The following ALS2 variants were observed in gnomAD, a reference collection of about 807,000 sequenced individuals.
The protein encoded by ALS2 is alsin.
ALS2 carries 117 observed loss-of-function variants against 203.4 expected under a neutral mutation model. The observed-to-expected ratio is 0.58, with a 90% confidence interval of 0.50 to 0.67. The LOEUF is 0.67. Ranked by LOEUF, ALS2 falls within the 30% of genes least tolerant of loss-of-function variation. The pLI, the probability that ALS2 is intolerant of heterozygous loss-of-function variation, is 0.00. For synonymous variants in ALS2, 718 were observed against 725.9 expected (o/e 0.99, Z 0.17); for missense variants, 1,715 against 1,989.4 (o/e 0.86, Z 2.62).
At chr2:201,715,875 C>CT in intron 24 of ALS2, 36 bp from the exon 25 acceptor site, 2 of 1,613,100 alleles carry the variant, frequency 1.2e-6, no homozygotes, top group Non-Finnish European at 1.7e-6. Context: ...TTAATCATTT[C>CT]TTTTGTGCAA....
chr2:201,745,931 A>G (rs1163771170), intron 9 of ALS2, among the ~76,000 whole-genome samples: 1 of 152,196 alleles, frequency 6.6e-6, no homozygotes, highest in African/African-American at 2.4e-5. Flanking sequence ...CCTGGGCAAC[A>G]GAGCAAGACT....
At chr2:201,774,351 G>C (rs1218001711) in intron 1 of ALS2, among the ~76,000 whole-genome samples, 1 of 152,170 alleles carries the variant, frequency 6.6e-6, no homozygotes, top group Non-Finnish European at 1.5e-5. Flanking sequence ...GAGATCACAG[G>C]TACAGATATA....
In ALS2 at chr2:201,728,554, C is replaced by A. The variant is rs1691342399; in HGVS notation, c.2799G>T (p.Val933=). Residue 933 remains valine (V), a synonymous_variant, in exon 15 of 34, where the codon GTG becomes GTT. Coordinates refer to ENST00000264276, the MANE Select transcript of ALS2 (RefSeq NM_020919.4). ...LSLQHAGRFS[V]NWFILFNDAL... ...CATCATTAAAGAGAATGAACCAATT[C>A]ACGGAAAACCTCCCAGCATGCTGCA... The A allele has an allele frequency of 6.2e-7, 1 of 1,614,148 alleles. No individual in the cohort carries two copies. The highest frequency in any genetic ancestry group is 8.5e-7 in the Non-Finnish European group (1 of 1,180,038).
chr2:201,776,944 A>G (rs1694686441), intron 1 of ALS2, among the ~76,000 whole-genome samples: 1 of 152,210 alleles, frequency 6.6e-6, no homozygotes, highest in Admixed American at 6.5e-5. Flanking sequence ...CATTTAACAC[A>G]TTGTCATCAG....
At chr2:201,755,929 C>T (rs1420478935) in intron 5 of ALS2, among the ~76,000 whole-genome samples, 1 of 152,186 alleles carries the variant, frequency 6.6e-6, no homozygotes, top group East Asian at 1.9e-4. Flanking sequence ...AGAAAGTGAT[C>T]ATCACTGCCT....
At position 201,768,853 on chromosome 2, in the gene ALS2, G is replaced by C; in HGVS notation, c.20+13C>G. 1 of 1,612,518 alleles carries C rather than the reference G, an allele frequency of 6.2e-7. No individual in the cohort carries two copies. The highest frequency in any genetic ancestry group is 8.5e-7 in the Non-Finnish European group (1 of 1,178,752). On this transcript the variant is annotated intron_variant, in intron 2 of 33. Transcript: ENST00000264276. ...TCCTAGGAGGATAAGAGAAAAGGAA[G>C]AAATGATTTTACCTTCTCTTCTTTG...
Position 201,718,806 on chromosome 2 carries a change from A to G in ALS2, c.3703-596T>C, listed in dbSNP as rs533950860. 6.1e-4 allele frequency among the ~76,000 whole-genome samples: 93 copies of G among 152,304 alleles called. 3 individuals carry two copies. Among genetic ancestry groups the G allele is most frequent in the South Asian group, 3.7e-3 (18 of 4,826 alleles). On this transcript the variant is annotated intron_variant, in intron 23 of 33. Transcript: ENST00000264276. ...AAATTTAGGGGATGATGTAAATTAC[A>G]AGCAGTGCTTAGAGGGAAACTTTTA...
At chr2:201,710,752 A>T (rs1014705438) in intron 26 of ALS2, among the ~76,000 whole-genome samples, 1 of 152,188 alleles carries the variant, frequency 6.6e-6, no homozygotes, top group Non-Finnish European at 1.5e-5. Flanking sequence ...TTAAAACTCT[A>T]ATCTTATTTC....
intron 3 of ALS2, chr2:201,765,915 G>A (rs72926808): frequency 0.12 from 20,115 of 166,548 alleles, 1,495 homozygotes; most frequent in African/African-American, 0.21. Flanking sequence ...TCCTGACTCT[G>A]ACACTTCAAT....
intron 1 of ALS2, among the ~76,000 whole-genome samples, chr2:201,775,265 G>C (rs1268807474): frequency 2.0e-5 from 3 of 152,148 alleles, no homozygotes; most frequent in East Asian, 1.9e-4. Context: ...TAAAGTCTGA[G>C]TTGGTTACAT....
chr2:201,772,639 C>G (rs959246417), intron 1 of ALS2, among the ~76,000 whole-genome samples: 3 of 152,126 alleles, frequency 2.0e-5, no homozygotes, highest in Non-Finnish European at 2.9e-5. Flanking sequence ...AATCTGAATT[C>G]CAAAATGCAC....
intron 12 of ALS2, 163 bp from the exon 13 acceptor site, chr2:201,733,601 T>C (rs567461464): frequency 1.8e-5 from 12 of 676,502 alleles, no homozygotes; most frequent in African/African-American, 1.1e-4. Flanking sequence ...TTAAAAGAAT[T>C]TCCCTATCTA....
chr2:201,722,877 A>G (rs1690897187), intron 23 of ALS2, 166 bp downstream of exon 23: 1 of 610,306 alleles, frequency 1.6e-6, no homozygotes. Flanking sequence ...AATGTTCTGA[A>G]ACTGGATTGT....
Position 201,703,989 on chromosome 2 carries a change from C to T in ALS2, c.4935+133G>A, listed in dbSNP as rs1689540298. 21 of 746,732 alleles carry T rather than the reference C, an allele frequency of 2.8e-5. No homozygotes were observed. In the South Asian group the frequency reaches 3.4e-4, roughly 12 times the overall value. 46.3% of individuals were successfully genotyped at this position (746,732 alleles called of 1,614,324 possible). On this transcript the variant is annotated intron_variant, in intron 33 of 33. Transcript: ENST00000264276. Reference sequence around the variant, plus strand: ...CTATATAATGTTTTAAAGTGTAGAACAAAATGTGCTCTAAAGGCATTTAAG... The same window carrying T: ...CTATATAATGTTTTAAAGTGTAGAATAAAATGTGCTCTAAAGGCATTTAAG...
intron 3 of ALS2, among the ~76,000 whole-genome samples, chr2:201,766,706 G>A (rs1302142072): frequency 1.3e-5 from 1 of 78,460 alleles, no homozygotes; most frequent in African/African-American, 3.3e-5. Flanking sequence ...TGTCCAACAA[G>A]GATAGACTGG....
intron 29 of ALS2, among the ~76,000 whole-genome samples, chr2:201,706,393 G>GAA (rs35917459): frequency 1.7e-4 from 24 of 140,920 alleles, no homozygotes; most frequent in African/African-American, 5.9e-4. Flanking sequence ...TTCAAAAAAA[G>GAA]AAAAAAAAAA....
chr2:201,724,835 T>C (rs6745393), intron 20 of ALS2, among the ~76,000 whole-genome samples: 57,115 of 151,940 alleles, frequency 0.38, 11,367 homozygotes, highest in East Asian at 0.64. Flanking sequence ...AATTTAGGGC[T>C]GGGTGCGGTG....
intron 13 of ALS2, among the ~76,000 whole-genome samples, chr2:201,732,675 T>A (rs1691649156): frequency 6.6e-6 from 1 of 152,194 alleles, no homozygotes; most frequent in Admixed American, 6.5e-5. Context: ...AATCACATAT[T>A]TCGATGGGAT....
intron 1 of ALS2, among the ~76,000 whole-genome samples, chr2:201,772,268 G>A (rs756577244): frequency 8.0e-6 from 1 of 124,946 alleles, no homozygotes; most frequent in South Asian, 2.7e-4. Context: ...CCATGATCTG[G>A]AAGTGCCCTT....
Sources: allele counts gnomAD v4.1 joint callset (sites outside exome capture counted in the v4.1 genomes callset), GRCh38; gene constraint gnomAD v4.1.1; transcripts MANE v1.5; gene names NCBI Gene and HGNC (gene_info 2026-07-23, HGNC 2026-07-21).